C3orf22: variants seen among roughly 807,000 people sequenced by gnomAD.
C3orf22 encodes chromosome 3 open reading frame 22.
A neutral mutation model predicts 10.8 loss-of-function variants in C3orf22; 7 were observed. That is an observed-to-expected ratio of 0.65 (90% CI 0.37 to 1.22). The LOEUF (loss-of-function observed/expected upper bound fraction) is 1.22, where lower values mean the gene tolerates loss of function less well. C3orf22 is among the 50% of genes most tolerant of loss of function. C3orf22 has a pLI of 0.02. For missense variants in C3orf22, 173 were observed against 177.0 expected (o/e 0.98, Z 0.13); for synonymous variants, 79 against 78.9 (o/e 1.00, Z 0.00).
Position 126,549,944 on chromosome 3 carries a change from A to G in C3orf22, c.350T>C (p.Leu117Pro). 6.2e-7 allele frequency: 1 copy of G among 1,614,114 alleles called. No homozygotes were observed. ...SRRFPRQLAF[L>P]LSTRHTEAAC... ...AGCCTCAGTGTGCCGGGTGGACAGC[A>G]GGAAGGCGAGTTGTCTGGGGAAGCG... The change falls in exon 4 of 4, where the codon CTG (leucine) becomes CCG (proline). Residue 117 changes from leucine to proline, a missense_variant. Leu to Pro is a moderately conservative substitution (Grantham distance 98). Transcript: ENST00000318225.
At chr3:126,552,410 C>T (rs1408696587) in intron 2 of C3orf22, among the ~76,000 whole-genome samples, 1 of 152,192 alleles carries the variant, frequency 6.6e-6, no homozygotes, top group Non-Finnish European at 1.5e-5. Context: ...ACTTGAGCCC[C>T]TGGGTGCTGG....
rs144953785 is a variant in C3orf22 at position 126,555,387 on chromosome 3, C to T, written c.-40-1957G>A. The stretch of plus-strand genomic sequence containing the variant: ...GGGCCATCACCCTTTGAGGCCAGGA[C>T]GGTACAGTCGCAGGAGACCTGACAC... On this transcript the variant is annotated intron_variant, in intron 1 of 3. Transcript: ENST00000318225. Among the ~76,000 whole-genome samples the T allele has an allele frequency of 1.8e-4, 28 of 152,302 alleles. No homozygotes were observed. The East Asian group carries it at 2.9e-3, about 16-fold the overall frequency.
downstream of C3orf22, among the ~76,000 whole-genome samples, chr3:126,549,272 C>T (rs1937126770): frequency 6.8e-6 from 1 of 146,848 alleles, no homozygotes; most frequent in Non-Finnish European, 1.5e-5. Context: ...CACACACACA[C>T]ATACACACAC....
chr3:126,541,606 T>C, intron 4 of C3orf22: 1 of 830,562 alleles, frequency 1.2e-6, no homozygotes, highest in Non-Finnish European at 1.7e-6. Flanking sequence ...GCCCTGGGGT[T>C]CGAATTTGGG....
rs374527763 is a variant in C3orf22 at position 126,541,981 on chromosome 3, G to A, written c.286+7556C>T. On this transcript the variant is annotated intron_variant and NMD_transcript_variant, in intron 4 of 5. Coordinates refer to the C3orf22 transcript ENST00000505070. ...CGCGCGCCATCTCCGCGCAAGAGGC[G>A]CACGCGCCTGGCCGCCTGCCCTCAC... 6 of 1,569,920 alleles carry A rather than the reference G, an allele frequency of 3.8e-6. No individual in the cohort carries two copies. The African/African-American group carries it at 5.6e-5, about 15-fold the overall frequency.
intron 4 of C3orf22, chr3:126,543,236 C>T (rs1170885979): frequency 6.6e-6 from 1 of 152,252 alleles, no homozygotes; most frequent in African/African-American, 2.4e-5. Context: ...TTTTATGGGA[C>T]TTTGGTGAGC....
At position 126,549,981 on chromosome 3, in the gene C3orf22, AC is replaced by A; in HGVS notation, c.312del (p.Lys104AsnfsTer3). On this transcript the variant is annotated frameshift_variant, in exon 4 of 4. Coordinates refer to ENST00000318225, the MANE Select transcript of C3orf22 (RefSeq NM_152533.3). LOFTEE classifies it low-confidence loss of function (END_TRUNC). ...TGTCTGGGGAAGCGGCGACTCAGCA[AC>A]TTGAGTTCCCAAAGGTTGCACAGTG... ...PPPLCNLWEL[K>X]LLSRRFPRQL... is the part of the protein sequence containing the mutation. 1 of 1,614,162 alleles carries A rather than the reference AC, an allele frequency of 6.2e-7. No individual in the cohort carries two copies. Among genetic ancestry groups the A allele is most frequent in the Non-Finnish European group, 8.5e-7 (1 of 1,180,038 alleles).
chr3:126,534,564 C>T (rs1936723914), intron 4 of C3orf22, among the ~76,000 whole-genome samples: 1 of 151,728 alleles, frequency 6.6e-6, no homozygotes, highest in Non-Finnish European at 1.5e-5. Context: ...CTGTCCTCAG[C>T]CAGGAGAGAG....
intron 4 of C3orf22, among the ~76,000 whole-genome samples, chr3:126,531,959 G>C (rs1332450977): frequency 2.0e-5 from 3 of 152,174 alleles, no homozygotes; most frequent in Non-Finnish European, 4.4e-5. Context: ...CCACATCCTT[G>C]TTATTTACTG....
At chr3:126,542,730 C>T (rs1027799898) in intron 4 of C3orf22, 27 of 1,221,804 alleles carry the variant, frequency 2.2e-5, no homozygotes, top group Non-Finnish European at 2.5e-5. Context: ...GCACACCTGG[C>T]CAGGCTTGGG....
downstream of C3orf22, among the ~76,000 whole-genome samples, chr3:126,549,113 CTGA>C (rs1356976328): frequency 2.0e-5 from 3 of 152,164 alleles, no homozygotes; most frequent in Non-Finnish European, 4.4e-5. Context: ...CCTTACATTA[CTGA>C]TGTTGTAATA....
At chr3:126,556,728 C>A (rs1937342193) in intron 1 of C3orf22, among the ~76,000 whole-genome samples, 1 of 151,210 alleles carries the variant, frequency 6.6e-6, no homozygotes, top group African/African-American at 2.4e-5. Flanking sequence ...ACCCCACACA[C>A]AGACTCATAC....
intron 4 of C3orf22, among the ~76,000 whole-genome samples, chr3:126,535,120 G>GC (rs1399973443): frequency 2.3e-3 from 32 of 13,964 alleles, no homozygotes; most frequent in East Asian, 4.3e-3. Context: ...ACTGTCCTCA[G>GC]CTGGAGACAG....
At chr3:126,550,186 A>G in intron 3 of C3orf22, 108 bp from the exon 4 acceptor site, 1 of 1,252,458 alleles carries the variant, frequency 8.0e-7, no homozygotes, top group South Asian at 1.5e-5. Context: ...GCTCCAACTG[A>G]GATCTACTCC....
chr3:126,543,779 G>A (rs1175789593), intron 4 of C3orf22, among the ~76,000 whole-genome samples: 1 of 152,102 alleles, frequency 6.6e-6, no homozygotes, highest in Non-Finnish European at 1.5e-5. Flanking sequence ...TGTGAGTGTG[G>A]GTGTGTCTTG....
chr3:126,543,766 ATGTG>A (rs1937023154), intron 4 of C3orf22, among the ~76,000 whole-genome samples: 1 of 151,952 alleles, frequency 6.6e-6, no homozygotes, highest in Admixed American at 6.6e-5. Flanking sequence ...GTATGTGTGA[ATGTG>A]TGAGTGTGGG....
At chr3:126,549,367 T>C (rs114439372), downstream of C3orf22, among the ~76,000 whole-genome samples, 2,641 of 152,250 alleles carry the variant, frequency 0.017, 45 homozygotes, top group South Asian at 0.038. Context: ...GACCTGTACA[T>C]CATTCAGATC....
intron 4 of C3orf22, chr3:126,536,468 G>A: frequency 1.3e-6 from 1 of 745,176 alleles, no homozygotes; most frequent in Non-Finnish European, 2.2e-6. Context: ...GGCACAGAAG[G>A]GCATCCTCCC....
At chr3:126,558,372 G>A (rs1937403260) in intron 1 of C3orf22, among the ~76,000 whole-genome samples, 1 of 152,174 alleles carries the variant, frequency 6.6e-6, no homozygotes, top group Non-Finnish European at 1.5e-5. Context: ...CACAGGAATT[G>A]AGGGATCAAG....
Sources: gnomAD v4.1 joint callset for allele counts (sites outside exome capture counted in the v4.1 genomes callset) on GRCh38, gnomAD v4.1.1 for gene constraint, MANE v1.5 for transcripts, NCBI Gene and HGNC (gene_info 2026-07-23, HGNC 2026-07-21) for gene names.